Variants in SCRG1 observed in about 807,000 individuals in gnomAD.
SCRG1 encodes scrapie-responsive protein 1.
Under a neutral mutation model 7.7 loss-of-function variants are expected in SCRG1, and 3 were observed. That is an observed-to-expected ratio of 0.39 (90% confidence interval 0.18 to 1.01). SCRG1 has a LOEUF of 1.01. Ranked by LOEUF, SCRG1 falls within the 50% of genes least tolerant of loss-of-function variation. The probability of loss-of-function intolerance (pLI) is 0.36; values close to 1 mark genes in which losing one functional copy is unlikely to be tolerated. For synonymous variants in SCRG1, 46 were observed against 41.2 expected, an observed-to-expected ratio of 1.12 and a Z score of -0.44; for missense variants, 110 against 117.2, an observed-to-expected ratio of 0.94 and a Z score of 0.28.
At chr4:173,410,032 C>G (rs530606359), upstream of SCRG1, among the ~76,000 whole-genome samples, 1 of 152,318 alleles carries the variant, frequency 6.6e-6, no homozygotes, top group South Asian at 2.1e-4. Context: ...GCTAAAGATC[C>G]TCCAGGAGGA....
chr4:173,491,799 T>C, the SCRG1 span, among the ~76,000 whole-genome samples: 1,694 of 152,250 alleles, frequency 0.011, 20 homozygotes, highest in South Asian at 0.042. Context: ...AGTAGTTTAG[T>C]GCCTACTGGG....
At chr4:173,485,991 AT>A in the SCRG1 span, among the ~76,000 whole-genome samples, 1 of 152,182 alleles carries the variant, frequency 6.6e-6, no homozygotes, top group Non-Finnish European at 1.5e-5. Flanking sequence ...AAAAAATTGT[AT>A]GATTCCCTGT....
chr4:173,507,641 C>A, the SCRG1 span, among the ~76,000 whole-genome samples: 2 of 152,136 alleles, frequency 1.3e-5, no homozygotes, highest in Non-Finnish European at 2.9e-5. This position sits in a 1 kb window ranked among gnomAD's most constrained non-coding sequence, Gnocchi z 4.4. Flanking sequence ...CACCTGAGCG[C>A]CCCCACCCTG....
chr4:173,488,617 A>G, the SCRG1 span, among the ~76,000 whole-genome samples: 5 of 152,192 alleles, frequency 3.3e-5, no homozygotes, highest in African/African-American at 1.2e-4. Context: ...AGAGAGGATA[A>G]GCAACTTGTT....
At chr4:173,463,870 C>T in the SCRG1 span, among the ~76,000 whole-genome samples, 7 of 152,120 alleles carry the variant, frequency 4.6e-5, no homozygotes, top group East Asian at 9.7e-4. Context: ...ATGGGGCTGG[C>T]GTTCTATCCA....
chr4:173,484,121 CAATATAT>C, the SCRG1 span, among the ~76,000 whole-genome samples: 1 of 45,862 alleles, frequency 2.2e-5, no homozygotes, highest in African/African-American at 8.0e-5. Flanking sequence ...ATATAATATA[CAATATAT>C]AATATATAAT....
At chr4:173,505,204 C>T in the SCRG1 span, among the ~76,000 whole-genome samples, 1 of 152,180 alleles carries the variant, frequency 6.6e-6, no homozygotes, top group Non-Finnish European at 1.5e-5. This position sits in a 1 kb window ranked among gnomAD's most constrained non-coding sequence, Gnocchi z 4.4. Flanking sequence ...CCTGACACCC[C>T]CTAGAACATC....
chr4:173,506,617 A>G, the SCRG1 span, among the ~76,000 whole-genome samples: 6 of 152,014 alleles, frequency 3.9e-5, no homozygotes, highest in Admixed American at 1.3e-4. This position sits in a 1 kb window ranked among gnomAD's most constrained non-coding sequence, Gnocchi z 5.3. Flanking sequence ...TCCTGAGGGT[A>G]GGGGCGGGCA....
At chr4:173,483,189 ATG>A in the SCRG1 span, among the ~76,000 whole-genome samples, 4 of 125,320 alleles carry the variant, frequency 3.2e-5, no homozygotes, top group Non-Finnish European at 5.0e-5. Context: ...TATATTATAT[ATG>A]ATATATATTA....
At chr4:173,400,930 G>T (rs1739745267), upstream of SCRG1, among the ~76,000 whole-genome samples, 1 of 152,222 alleles carries the variant, frequency 6.6e-6, no homozygotes, top group South Asian at 2.1e-4. Context: ...GAACTGGGAA[G>T]GAAACTGAGA....
chr4:173,423,468 G>T, the SCRG1 span, among the ~76,000 whole-genome samples: 3 of 152,170 alleles, frequency 2.0e-5, no homozygotes, highest in South Asian at 6.2e-4. Context: ...AATCAGTTTA[G>T]CACATTCACT....
chr4:173,452,286 T>C, the SCRG1 span, among the ~76,000 whole-genome samples: 1 of 152,032 alleles, frequency 6.6e-6, no homozygotes, highest in Non-Finnish European at 1.5e-5. Flanking sequence ...TTACTATTCA[T>C]TGAATGGAGG....
the SCRG1 span, among the ~76,000 whole-genome samples, chr4:173,464,158 G>A: frequency 6.6e-6 from 1 of 152,082 alleles, no homozygotes; most frequent in Non-Finnish European, 1.5e-5. Flanking sequence ...CATGAGTAAA[G>A]TAGAATATTG....
At chr4:173,431,853 G>C in the SCRG1 span, among the ~76,000 whole-genome samples, 67,425 of 152,076 alleles carry the variant, frequency 0.44, 16,917 homozygotes, top group Non-Finnish European at 0.57. Context: ...ACATCACCAT[G>C]CAAGGAGGTG....
chr4:173,497,672 TC>T, the SCRG1 span, among the ~76,000 whole-genome samples: 2 of 76,302 alleles, frequency 2.6e-5, no homozygotes, highest in African/African-American at 3.6e-5. Context: ...AAAAACTTAC[TC>T]TTTTTTTTTT....
the SCRG1 span, among the ~76,000 whole-genome samples, chr4:173,485,923 T>C: frequency 6.6e-6 from 1 of 152,132 alleles, no homozygotes; most frequent in African/African-American, 2.4e-5. Context: ...TGAGCCGAGA[T>C]TGTGCCACCG....
At chr4:173,507,131 G>C in the SCRG1 span, among the ~76,000 whole-genome samples, 34 of 152,348 alleles carry the variant, frequency 2.2e-4, no homozygotes, top group Admixed American at 1.2e-3. The surrounding 1 kb of genome is among the most constrained non-coding windows in gnomAD (Gnocchi z 4.4). Flanking sequence ...AAGGCCGCGA[G>C]ATGGTGCTAA....
At chr4:173,393,980 C>G (rs1393274271) in intron 1 of SCRG1, among the ~76,000 whole-genome samples, 1 of 151,836 alleles carries the variant, frequency 6.6e-6, no homozygotes, top group African/African-American at 2.4e-5. Context: ...TTTTTCATTT[C>G]TTTACTTTCA....
At chr4:173,509,876 C>G in the SCRG1 span, among the ~76,000 whole-genome samples, 1 of 152,224 alleles carries the variant, frequency 6.6e-6, no homozygotes, top group Non-Finnish European at 1.5e-5. The surrounding 1 kb of genome is among the most constrained non-coding windows in gnomAD (Gnocchi z 5.7). Flanking sequence ...GAGATTCACC[C>G]ACATGCCTGT....
Sources: allele counts gnomAD v4.1 joint callset (sites outside exome capture counted in the v4.1 genomes callset), GRCh38; gene constraint gnomAD v4.1.1; non-coding constraint Gnocchi (gnomAD v3.1); transcripts MANE v1.5; gene names NCBI Gene and HGNC (gene_info 2026-07-23, HGNC 2026-07-21).